TENM3: variants seen among roughly 807,000 people sequenced by gnomAD.
The protein encoded by TENM3 is teneurin transmembrane protein 3.
Under a neutral mutation model 255.1 loss-of-function variants are expected in TENM3, and 63 were observed. The observed-to-expected ratio is 0.25, with a 90% CI of 0.20 to 0.30. The LOEUF (loss-of-function observed/expected upper bound fraction) is 0.30. TENM3 is among the 10% of genes least tolerant of loss of function. The pLI is 1.00. For synonymous variants in TENM3, 1,306 were observed against 1,322.3 expected, an observed-to-expected ratio of 0.99 and a Z score of 0.27; for missense variants, 2,929 against 3,461.1, an observed-to-expected ratio of 0.85 and a Z score of 3.86.
At chr4:181,608,346 C>T in the TENM3 span, among the ~76,000 whole-genome samples, 1 of 152,180 alleles carries the variant, frequency 6.6e-6, no homozygotes, top group African/African-American at 2.4e-5. Flanking sequence ...ATCTGCCCCT[C>T]TCCAAGAGGT....
chr4:182,284,818 T>C (rs1002768342), intron 1 of TENM3, among the ~76,000 whole-genome samples: 1 of 152,160 alleles, frequency 6.6e-6, no homozygotes, highest in Non-Finnish European at 1.5e-5. Context: ...GTGGCGGCGA[T>C]AGAGGAGAGA....
rs1765941485 is a variant in TENM3 at position 182,789,538 on chromosome 4, A to G, written c.5601+149A>G. The G allele has an allele frequency of 5.1e-6, 4 of 781,846 alleles. No homozygotes were observed. The highest frequency in any genetic ancestry group is 1.9e-5 in the South Asian group (1 of 51,816). The allele number at this position is 781,846 out of a possible 1,614,324, so 48.4% of individuals were successfully genotyped here. A position where few individuals can be genotyped will look rare whatever the true frequency, so the allele number is the denominator to read the frequency against. ...ATCAATACGGAAGTCACATTGGCAC[A>G]GCAGTGATGAATTTCTGCATTAGCA... On this transcript the variant is annotated intron_variant, in intron 25 of 27. Transcript: ENST00000511685. The surrounding 1 kb of genome is among the most constrained non-coding windows in gnomAD (Gnocchi z 4.4).
the TENM3 span, among the ~76,000 whole-genome samples, chr4:181,725,812 A>G: frequency 6.6e-6 from 1 of 152,170 alleles, no homozygotes; most frequent in African/African-American, 2.4e-5. Context: ...CTAAAGGCTA[A>G]GATGTAGTTC....
At chr4:181,982,580 G>T in the TENM3 span, among the ~76,000 whole-genome samples, 3 of 152,122 alleles carry the variant, frequency 2.0e-5, no homozygotes, top group Non-Finnish European at 4.4e-5. Context: ...AGTACAGGCA[G>T]CAGTAATTTA....
chr4:182,115,068 C>T, the TENM3 span, among the ~76,000 whole-genome samples: 1 of 152,100 alleles, frequency 6.6e-6, no homozygotes, highest in Non-Finnish European at 1.5e-5. Context: ...GTAATCCCAG[C>T]TACTCAGGAG....
the TENM3 span, among the ~76,000 whole-genome samples, chr4:182,115,377 G>C: frequency 6.6e-6 from 1 of 152,070 alleles, no homozygotes; most frequent in Admixed American, 6.6e-5. Flanking sequence ...ATGACAGAAA[G>C]TTAAATATAT....
Position 182,754,295 on chromosome 4 carries a change from C to A in TENM3, c.4018-90C>A. 3.0e-6 allele frequency: 4 copies of A among 1,340,324 alleles called. No individual in the cohort carries two copies. Among genetic ancestry groups the A allele is most frequent in the Non-Finnish European group, 4.0e-6 (4 of 1,001,084 alleles). 83.0% of individuals were successfully genotyped at this position (1,340,324 alleles called of 1,614,324 possible). A position where few individuals can be genotyped will look rare whatever the true frequency, so the allele number is the denominator to read the frequency against. On this transcript the variant is annotated intron_variant, in intron 21 of 27. Transcript: ENST00000511685. The surrounding 1 kb of genome is among the most constrained non-coding windows in gnomAD (Gnocchi z 5.1). Reference sequence around the variant, plus strand: ...TCAGACAGTTTATCTCAGATTAATGCCAATTTCCCTGAATGGTCTAATTTA... The same window carrying A: ...TCAGACAGTTTATCTCAGATTAATGACAATTTCCCTGAATGGTCTAATTTA...
intron 3 of TENM3, among the ~76,000 whole-genome samples, chr4:182,591,010 G>A (rs568927764): frequency 2.6e-5 from 4 of 152,300 alleles, no homozygotes; most frequent in African/African-American, 9.6e-5. Flanking sequence ...AACCCAAAGT[G>A]TAAGTTCCAC....
chr4:181,704,040 A>G, the TENM3 span, among the ~76,000 whole-genome samples: 1 of 152,174 alleles, frequency 6.6e-6, no homozygotes, highest in East Asian at 1.9e-4. Flanking sequence ...AACTTCTGCA[A>G]TGAGGGAGGT....
In TENM3 at chr4:182,404,186, C is replaced by G. The variant is rs1273702604; in HGVS notation, c.511+57257C>G. ...TCCAGTAAAATAAGAATAACCACAG[C>G]CTTTACTTTCTCCAGTGCAGTAGGG... On this transcript the variant is annotated intron_variant, in intron 3 of 27. Transcript: ENST00000511685. Among the ~76,000 whole-genome samples, 3 of 152,128 alleles carry G rather than the reference C, an allele frequency of 2.0e-5. No individual in the cohort carries two copies. In the East Asian group the frequency reaches 5.8e-4, roughly 29 times the overall value.
At chr4:182,576,978 G>T (rs912357889) in intron 3 of TENM3, among the ~76,000 whole-genome samples, 4 of 152,056 alleles carry the variant, frequency 2.6e-5, no homozygotes, top group African/African-American at 9.7e-5. Context: ...TGCCTCTTGC[G>T]AGTTCTCCTA....
intron 1 of TENM3, among the ~76,000 whole-genome samples, chr4:182,230,005 C>T (rs1459656006): frequency 6.6e-6 from 1 of 151,808 alleles, no homozygotes; most frequent in African/African-American, 2.4e-5. Context: ...ATCTGCAGAT[C>T]TCAAAGCATG....
chr4:181,610,225 A>C, the TENM3 span, among the ~76,000 whole-genome samples: 1 of 152,194 alleles, frequency 6.6e-6, no homozygotes, highest in Admixed American at 6.5e-5. Flanking sequence ...GTATGTTTGC[A>C]TGAAATAAAT....
the TENM3 span, among the ~76,000 whole-genome samples, chr4:181,564,531 A>G: frequency 4.7e-3 from 712 of 152,244 alleles, 12 homozygotes; most frequent in South Asian, 0.055. Flanking sequence ...TCAACTCTAA[A>G]ATGACACCAA....
At chr4:182,142,197 T>C (rs1355592390), upstream of TENM3, 1 of 152,164 alleles carries the variant, frequency 6.6e-6, no homozygotes, top group Non-Finnish European at 1.5e-5. Flanking sequence ...CCTTATCTTT[T>C]TCAAGTGTGA....
At chr4:182,456,749 G>C (rs1297795425) in intron 3 of TENM3, among the ~76,000 whole-genome samples, 3 of 152,166 alleles carry the variant, frequency 2.0e-5, no homozygotes, top group Non-Finnish European at 4.4e-5. Context: ...TGTGTTACCA[G>C]AAGATTAATA....
intron 2 of TENM3, among the ~76,000 whole-genome samples, chr4:182,332,624 G>A (rs10020064): frequency 0.21 from 32,063 of 151,452 alleles, 3,573 homozygotes; most frequent in East Asian, 0.36. Flanking sequence ...AACCCGGGAG[G>A]TGGAGGTTGC....
At chr4:182,336,287 C>T (rs1027712569) in intron 2 of TENM3, among the ~76,000 whole-genome samples, 3 of 151,740 alleles carry the variant, frequency 2.0e-5, no homozygotes, top group African/African-American at 7.3e-5. Context: ...CTTCTAAACC[C>T]AACAAATTCC....
At chr4:182,198,457 C>T (rs1237465804) in intron 1 of TENM3, among the ~76,000 whole-genome samples, 5 of 152,254 alleles carry the variant, frequency 3.3e-5, no homozygotes, top group African/African-American at 1.2e-4. Context: ...CAGAGCGACA[C>T]TCACATCAGG....
Sources: allele counts gnomAD v4.1 joint callset (sites outside exome capture counted in the v4.1 genomes callset), GRCh38; gene constraint gnomAD v4.1.1; non-coding constraint Gnocchi (gnomAD v3.1); transcripts MANE v1.5; gene names NCBI Gene and HGNC (gene_info 2026-07-23, HGNC 2026-07-21).